The following CDKL2 variants were observed in gnomAD, a reference collection of about 807,000 sequenced individuals.
CDKL2 encodes cyclin-dependent kinase-like 2.
In CDKL2, 64 loss-of-function variants were observed where a neutral mutation model predicts 63.9. The ratio of observed to expected loss-of-function variants is 1.00; its 90% CI spans 0.82 to 1.23. The LOEUF (loss-of-function observed/expected upper bound fraction) is 1.23. CDKL2 is among the 50% of genes most tolerant of loss of function. The probability of loss-of-function intolerance (pLI) is 0.00; values close to 1 mark genes in which losing one functional copy is unlikely to be tolerated. For missense variants in CDKL2, 656 were observed against 668.0 expected (o/e 0.98, Z 0.20); for synonymous variants, 211 against 229.2 (o/e 0.92, Z 0.72).
intron 2 of CDKL2, among the ~76,000 whole-genome samples, chr4:75,616,037 G>C (rs1269877655): frequency 2.0e-5 from 3 of 151,986 alleles, no homozygotes; most frequent in Non-Finnish European, 4.4e-5. Flanking sequence ...AAGTAAATAA[G>C]ATATTTTCTA....
intron 12 of CDKL2, among the ~76,000 whole-genome samples, chr4:75,583,468 A>G (rs1332283192): frequency 6.6e-6 from 1 of 152,194 alleles, no homozygotes; most frequent in African/African-American, 2.4e-5. Context: ...AGCCTTCCCC[A>G]TCTCCTCCAA....
At chr4:75,585,942 T>G (rs1440185805) in intron 12 of CDKL2, among the ~76,000 whole-genome samples, 1 of 152,078 alleles carries the variant, frequency 6.6e-6, no homozygotes, top group Non-Finnish European at 1.5e-5. Flanking sequence ...AATTTCACAT[T>G]TATAGAACAA....
At chr4:75,625,153 G>A (rs747862681) in intron 2 of CDKL2, among the ~76,000 whole-genome samples, 6 of 152,018 alleles carry the variant, frequency 3.9e-5, no homozygotes, top group African/African-American at 4.8e-5. Context: ...TATGAAATAC[G>A]TTTCAAGAAC....
rs898624248 is a variant in CDKL2 at position 75,604,080 on chromosome 4, A to G, written c.656-124T>C. On this transcript the variant is annotated intron_variant, in intron 5 of 13. Transcript: ENST00000307465. The stretch of plus-strand genomic sequence containing the variant: ...TTATGGAGTTTGGGGCTCTCTCAAC[A>G]TGCAAAATTGACCAAAGACAATGCC... 26 of 880,570 alleles carry G rather than the reference A, an allele frequency of 3.0e-5. No homozygotes were observed. The South Asian group carries it at 3.6e-4, about 12-fold the overall frequency. The allele number at this position is 880,570 out of a possible 1,614,324, so 54.5% of individuals were successfully genotyped here.
chr4:75,603,247 G>A (rs1177237469), intron 6 of CDKL2, among the ~76,000 whole-genome samples: 2 of 149,078 alleles, frequency 1.3e-5, no homozygotes, highest in Admixed American at 6.6e-5. Context: ...TGATCCACCC[G>A]CCTCGGCCTC....
At chr4:75,587,903 C>CAAAAAAA (rs72495158) in intron 12 of CDKL2, among the ~76,000 whole-genome samples, 1 of 83,738 alleles carries the variant, frequency 1.2e-5, no homozygotes, top group African/African-American at 4.0e-5. Context: ...GATTCTGTCT[C>CAAAAAAA]AAAAAAAAAA....
chr4:75,613,083 C>A (rs1729775932), intron 3 of CDKL2, among the ~76,000 whole-genome samples: 1 of 150,874 alleles, frequency 6.6e-6, no homozygotes, highest in Non-Finnish European at 1.5e-5. Flanking sequence ...CGAGATCGCG[C>A]CACTGCACTC....
At chr4:75,580,874 G>C (rs1356547644) in intron 13 of CDKL2, among the ~76,000 whole-genome samples, 2 of 150,684 alleles carry the variant, frequency 1.3e-5, no homozygotes, top group Non-Finnish European at 3.0e-5. Flanking sequence ...CTAATTTTTT[G>C]TATTTTTAGT....
At chr4:75,626,094 C>A in intron 1 of CDKL2, 77 bp from the exon 2 acceptor site, 1 of 903,706 alleles carries the variant, frequency 1.1e-6, no homozygotes, top group Non-Finnish European at 1.7e-6. Context: ...TTAATTCTTC[C>A]CTGCTTGTTT....
chr4:75,610,622 C>T (rs532547566), intron 3 of CDKL2, among the ~76,000 whole-genome samples: 52 of 152,198 alleles, frequency 3.4e-4, no homozygotes, highest in Non-Finnish European at 6.0e-4. Context: ...TTGGGTCAAA[C>T]TTCAATGGGC....
intron 2 of CDKL2, among the ~76,000 whole-genome samples, chr4:75,618,009 G>A (rs985901578): frequency 1.3e-5 from 2 of 148,930 alleles, no homozygotes; most frequent in Non-Finnish European, 3.0e-5. Flanking sequence ...GCTGAGGCAT[G>A]AGAATCGCTT....
At chr4:75,579,856 C>A (rs1244499034) in intron 13 of CDKL2, among the ~76,000 whole-genome samples, 1 of 152,188 alleles carries the variant, frequency 6.6e-6, no homozygotes, top group Non-Finnish European at 1.5e-5. Context: ...TCTCCCACGG[C>A]CTTGAAAGGA....
At chr4:75,598,581 CTTT>C (rs546188489) in intron 7 of CDKL2, among the ~76,000 whole-genome samples, 2 of 117,502 alleles carry the variant, frequency 1.7e-5, no homozygotes, top group African/African-American at 3.4e-5. Flanking sequence ...TTCTCAGTTG[CTTT>C]TTTTTTTTAA....
Position 75,578,743 on chromosome 4 carries a change from G to A in CDKL2, c.*459C>T, listed in dbSNP as rs1728132185. 6.6e-6 allele frequency: 1 copy of A among 152,450 alleles called. No individual in the cohort carries two copies. Among genetic ancestry groups the A allele is most frequent in the Admixed American group, 6.5e-5 (1 of 15,270 alleles). 9.4% of individuals were successfully genotyped at this position (152,450 alleles called of 1,614,324 possible). A position where few individuals can be genotyped will look rare whatever the true frequency, so the allele number is the denominator to read the frequency against. On this transcript the variant is annotated 3_prime_UTR_variant, in exon 14 of 14. Transcript: ENST00000307465. ...CCTAATTTTTATCACCTACCCCCAA[G>A]AAACCCACTCCTAAATAAATGTACA...
intron 1 of CDKL2, among the ~76,000 whole-genome samples, chr4:75,626,969 G>C (rs990184821): frequency 6.6e-6 from 1 of 151,870 alleles, no homozygotes; most frequent in African/African-American, 2.4e-5. Context: ...TTTAGAAGGC[G>C]GAGGCGGGCA....
intron 6 of CDKL2, among the ~76,000 whole-genome samples, chr4:75,601,879 C>A (rs1393998712): frequency 1.3e-5 from 2 of 151,984 alleles, no homozygotes; most frequent in African/African-American, 4.8e-5. Flanking sequence ...AATTAAAAAA[C>A]AAAAAAATTG....
intron 12 of CDKL2, among the ~76,000 whole-genome samples, chr4:75,586,197 G>A (rs1329135518): frequency 2.0e-5 from 3 of 150,970 alleles, no homozygotes; most frequent in African/African-American, 7.3e-5. Context: ...AAATTACAAG[G>A]GAAATTAGAA....
chr4:75,587,372 T>C (rs570238674), intron 12 of CDKL2, among the ~76,000 whole-genome samples: 2 of 152,088 alleles, frequency 1.3e-5, no homozygotes, highest in Non-Finnish European at 2.9e-5. Context: ...GAGAATCGCT[T>C]AATCCCAGGA....
intron 5 of CDKL2, among the ~76,000 whole-genome samples, chr4:75,604,551 A>C (rs1729341181): frequency 6.6e-6 from 1 of 152,260 alleles, no homozygotes; most frequent in Non-Finnish European, 1.5e-5. Flanking sequence ...ATATTTCAAC[A>C]AACGTAAGAT....
Sources: allele counts gnomAD v4.1 joint callset (sites outside exome capture counted in the v4.1 genomes callset), GRCh38; gene constraint gnomAD v4.1.1; transcripts MANE v1.5; gene names NCBI Gene and HGNC (gene_info 2026-07-23, HGNC 2026-07-21).